The following PPIP5K2 variants were observed in gnomAD, a reference collection of about 807,000 sequenced individuals.
PPIP5K2 encodes inositol hexakisphosphate and diphosphoinositol-pentakisphosphate kinase 2.
A neutral mutation model predicts 154.6 loss-of-function variants in PPIP5K2; 105 were observed. The observed-to-expected ratio is 0.68, with a 90% CI of 0.58 to 0.80. The LOEUF (loss-of-function observed/expected upper bound fraction) is 0.80, where lower values mean the gene tolerates loss of function less well. Ranked by LOEUF, PPIP5K2 falls within the 30% of genes least tolerant of loss-of-function variation. The pLI is 0.00. For missense variants in PPIP5K2, 992 were observed against 1,504.6 expected (o/e 0.66, Z 5.64); for synonymous variants, 480 against 490.3 (o/e 0.98, Z 0.28).
At chr5:103,127,938 GTTGT>G (rs1789978943) in intron 1 of PPIP5K2, among the ~76,000 whole-genome samples, 1 of 151,558 alleles carries the variant, frequency 6.6e-6, no homozygotes. Flanking sequence ...ACTTTCTGTT[GTTGT>G]TGTTTTTTTT....
In PPIP5K2 at chr5:103,158,231, G is replaced by A; in HGVS notation, c.1533G>A (p.Trp511Ter). 1 of 1,613,934 alleles carries A rather than the reference G, an allele frequency of 6.2e-7. No homozygotes were observed. Among genetic ancestry groups the A allele is most frequent in the Non-Finnish European group, 8.5e-7 (1 of 1,179,826 alleles). Residue 511 changes from tryptophan (W) to a stop codon, truncating the protein, a stop_gained, in exon 15 of 31, where the codon TGG becomes TGA. Coordinates refer to ENST00000358359, the MANE Select transcript of PPIP5K2 (RefSeq NM_001276277.3). LOFTEE classifies it high-confidence loss of function. ...CATCTTTACTTTTGGTTCTAAAATG[G>A]GGAGGTGAATTAACTCCTGCAGGCA... ...EEPSLLLVLK[W>*]GGELTPAGRV... is the part of the protein sequence containing the mutation.
intron 18 of PPIP5K2, 137 bp from the exon 19 acceptor site, chr5:103,167,935 G>T (rs188283358): frequency 9.3e-6 from 5 of 537,490 alleles, no homozygotes; most frequent in African/African-American, 7.9e-5. Context: ...TGCTAGTAGC[G>T]TATGCCTAAA....
intron 19 of PPIP5K2, among the ~76,000 whole-genome samples, chr5:103,169,941 C>T (rs1797717244): frequency 6.6e-6 from 1 of 151,594 alleles, no homozygotes; most frequent in South Asian, 2.1e-4. Context: ...AATGTATCAC[C>T]TACTCAGAGG....
At chr5:103,176,140 A>G (rs1357360565) in intron 21 of PPIP5K2, among the ~76,000 whole-genome samples, 1 of 152,066 alleles carries the variant, frequency 6.6e-6, no homozygotes, top group Non-Finnish European at 1.5e-5. Context: ...CCTTAATTTA[A>G]AAAGATATTT....
intron 18 of PPIP5K2, among the ~76,000 whole-genome samples, chr5:103,167,610 GA>G (rs1490157602): frequency 2.0e-4 from 31 of 151,928 alleles, no homozygotes; most frequent in Non-Finnish European, 4.6e-4. Context: ...CAAGCAACAG[GA>G]AAGTGATCTA....
At position 103,201,797 on chromosome 5, in the gene PPIP5K2, C is replaced by G. The variant is rs1301642443; in HGVS notation, c.*163C>G. 1.7e-6 allele frequency: 1 copy of G among 582,954 alleles called. No homozygotes were observed. Among genetic ancestry groups the G allele is most frequent in the African/African-American group, 1.9e-5 (1 of 51,340 alleles). 36.1% of individuals were successfully genotyped at this position (582,954 alleles called of 1,614,324 possible). A position where few individuals can be genotyped will look rare whatever the true frequency, so the allele number is the denominator to read the frequency against. On this transcript the variant is annotated 3_prime_UTR_variant, in exon 31 of 31. Coordinates refer to ENST00000358359, the MANE Select transcript of PPIP5K2 (RefSeq NM_001276277.3). ...TGTCATGATCTGGAAATGTTTAAAACAATGTTTGTTAGCATTCTGTGAGCA... is the reference window on the plus strand; with the variant it reads ...TGTCATGATCTGGAAATGTTTAAAAGAATGTTTGTTAGCATTCTGTGAGCA...
intron 28 of PPIP5K2, chr5:103,188,935 T>C: frequency 2.6e-6 from 1 of 383,824 alleles, no homozygotes; most frequent in Non-Finnish European, 4.6e-6. Flanking sequence ...CAAATATTTC[T>C]TTTGAGTTTT....
rs1554209233 is a variant in PPIP5K2, at chr5:103,146,574, G to C, written c.535G>C (p.Val179Leu). Residue 179 changes from valine to leucine, a missense_variant, in exon 6 of 31, where the codon GTT becomes CTT. Val to Leu is a conservative substitution (Grantham distance 32). Coordinates refer to ENST00000358359, the MANE Select transcript of PPIP5K2 (RefSeq NM_001276277.3). ...AGATCATGTAGAAGTAAATGGGGAA[G>C]TTTTTCAAAAGCCATTTGTAGAAAA... ...GEDHVEVNGE[V>L]FQKPFVEKPV... 1 of 1,612,112 alleles carries C rather than the reference G, an allele frequency of 6.2e-7. No individual in the cohort carries two copies. Among genetic ancestry groups the C allele is most frequent in the Non-Finnish European group, 8.5e-7 (1 of 1,179,052 alleles).
chr5:103,138,493 AG>A (rs781895744), intron 5 of PPIP5K2, 24 bp downstream of exon 5: 21 of 1,496,746 alleles, frequency 1.4e-5, no homozygotes, highest in Admixed American at 3.6e-5. Flanking sequence ...ATTTTAGGTA[AG>A]CTTCCTTTGC....
At chr5:103,199,651 A>G (rs1326473005) in intron 30 of PPIP5K2, among the ~76,000 whole-genome samples, 22 of 152,026 alleles carry the variant, frequency 1.4e-4, no homozygotes, top group Non-Finnish European at 8.8e-5. Context: ...AATACTCCAA[A>G]AAAGATGTTC....
rs200083041 is a variant in PPIP5K2 at position 103,163,457 on chromosome 5, C to T, written c.1921-3722C>T. Among the ~76,000 whole-genome samples, 373 of 152,018 alleles carry T rather than the reference C, an allele frequency of 2.5e-3. 7 individuals are homozygous for T. In the East Asian group the frequency reaches 0.066, roughly 27 times the overall value. On this transcript the variant is annotated intron_variant, in intron 17 of 30. Coordinates refer to ENST00000358359, the MANE Select transcript of PPIP5K2 (RefSeq NM_001276277.3). The stretch of plus-strand genomic sequence containing the variant: ...TTATAGGCATCAACCTTGTCGAACT[C>T]ATTAGTTCTAATAATTTATCTAGAT...
chr5:103,122,903 G>T (rs930126633), intron 1 of PPIP5K2, among the ~76,000 whole-genome samples: 2 of 152,144 alleles, frequency 1.3e-5, no homozygotes, highest in Non-Finnish European at 2.9e-5. Context: ...GGATCAGGTA[G>T]CTCTGGCCGT....
At chr5:103,141,445 A>C (rs1554206702) in intron 5 of PPIP5K2, among the ~76,000 whole-genome samples, 1 of 151,982 alleles carries the variant, frequency 6.6e-6, no homozygotes, top group Admixed American at 6.5e-5. Context: ...TCAGGTGTGA[A>C]GCTGCAGATC....
intron 17 of PPIP5K2, among the ~76,000 whole-genome samples, chr5:103,161,912 A>G (rs1796328136): frequency 6.6e-6 from 1 of 151,664 alleles, no homozygotes; most frequent in Non-Finnish European, 1.5e-5. Flanking sequence ...TTGCCTGTTC[A>G]CTCTGATGGT....
At chr5:103,166,457 T>C (rs189385126) in intron 17 of PPIP5K2, among the ~76,000 whole-genome samples, 174 of 152,008 alleles carry the variant, frequency 1.1e-3, no homozygotes, top group African/African-American at 3.5e-3. Flanking sequence ...CTTAAAAAAA[T>C]ATTTAAGGGG....
In PPIP5K2 at chr5:103,180,198, T is replaced by C; in HGVS notation, c.2922+10T>C. ...GACGGCTACAAATGATGTAAGTATATGTATCAGAACACATTTTTCATACAG... is the reference window on the plus strand; with the variant it reads ...GACGGCTACAAATGATGTAAGTATACGTATCAGAACACATTTTTCATACAG... On this transcript the variant is annotated intron_variant, in intron 24 of 30. Transcript: ENST00000358359. The C allele has an allele frequency of 6.4e-7, 1 of 1,573,420 alleles. No individual in the cohort carries two copies. Among genetic ancestry groups the C allele is most frequent in the South Asian group, 1.2e-5 (1 of 83,198 alleles).
chr5:103,151,889 C>G (rs1475901031), intron 9 of PPIP5K2, among the ~76,000 whole-genome samples: 2 of 151,892 alleles, frequency 1.3e-5, no homozygotes, highest in African/African-American at 2.4e-5. Context: ...ATTCTTCAAC[C>G]TGTTTTCTTT....
rs187094296 is a variant in PPIP5K2, at chr5:103,149,783, G to A, written c.906+470G>A. 3.7e-3 allele frequency among the ~76,000 whole-genome samples: 553 copies of A among 150,984 alleles called. 2 individuals carry two copies. Among genetic ancestry groups the A allele is most frequent in the African/African-American group, 0.013 (519 of 41,122 alleles). ...AGGATCTTGGCTCACTGCAACCTCT[G>A]CCTCCCGGGTTCAAGCGATTCTCCT... is the stretch of plus-strand genomic sequence containing the variant. On this transcript the variant is annotated intron_variant, in intron 8 of 30. Coordinates refer to ENST00000358359, the MANE Select transcript of PPIP5K2 (RefSeq NM_001276277.3).
In PPIP5K2 at chr5:103,129,514, T is replaced by C. The variant is rs577117677; in HGVS notation, c.-76T>C. ...CGTCAGCTAATATATGGAGAATGCT[T>C]TCTTCTGATACTATTTACTTAGAGG... On this transcript the variant is annotated 5_prime_UTR_variant, in exon 2 of 31. Coordinates refer to ENST00000358359, the MANE Select transcript of PPIP5K2 (RefSeq NM_001276277.3). The C allele has an allele frequency of 8.1e-7, 1 of 1,236,410 alleles. No homozygotes were observed. The highest frequency in any genetic ancestry group is 1.5e-5 in the African/African-American group (1 of 65,138). 76.6% of individuals were successfully genotyped at this position (1,236,410 alleles called of 1,614,324 possible).
Sources: gnomAD v4.1 joint callset for allele counts (sites outside exome capture counted in the v4.1 genomes callset) on GRCh38, gnomAD v4.1.1 for gene constraint, MANE v1.5 for transcripts, NCBI Gene and HGNC (gene_info 2026-07-23, HGNC 2026-07-21) for gene names.